Variants in ZC3H12B observed in about 807,000 individuals in gnomAD.
The protein encoded by ZC3H12B is zinc finger CCCH-type containing 12B.
A neutral mutation model predicts 43.9 loss-of-function variants in ZC3H12B; 7 were observed. That is an observed-to-expected ratio of 0.16 (90% CI 0.09 to 0.30). The LOEUF (loss-of-function observed/expected upper bound fraction) is 0.30, where lower values mean the gene tolerates loss of function less well. Ranked by LOEUF, ZC3H12B falls within the 10% of genes least tolerant of loss-of-function variation. ZC3H12B has a pLI of 1.00. For synonymous variants in ZC3H12B, 222 were observed against 241.7 expected (o/e 0.92, Z 0.76); for missense variants, 475 against 670.2 (o/e 0.71, Z 3.22).
chrX:65,259,035 A>AG, the ZC3H12B span, among the ~76,000 whole-genome samples: 1 of 112,055 alleles, frequency 8.9e-6, no homozygotes, highest in Admixed American at 9.5e-5. Flanking sequence ...TCAAACTACT[A>AG]GTGACATTCT....
chrX:65,384,092 C>A lies in ZC3H12B; in HGVS notation n.296-14501C>A, dbSNP rs1217604453. 3.9e-5 allele frequency among the ~76,000 whole-genome samples: 4 copies of A among 102,415 alleles called. No individual in the cohort carries two copies. In the East Asian group the frequency reaches 1.2e-3, roughly 30 times the overall value. The allele number at this position is 102,415 out of a possible 115,157, so 88.9% of individuals were successfully genotyped here. A position where few individuals can be genotyped will look rare whatever the true frequency, so the allele number is the denominator to read the frequency against. On this transcript the variant is annotated intron_variant and non_coding_transcript_variant, in intron 2 of 5. Coordinates refer to the ZC3H12B transcript ENST00000617377. ...CACGTATGTTTATTGCGGCATGATT[C>A]ACAATAGCAAAGACTTGGAACCAAC... is the stretch of plus-strand genomic sequence containing the variant.
the ZC3H12B span, among the ~76,000 whole-genome samples, chrX:65,163,860 C>T: frequency 4.6e-3 from 515 of 112,186 alleles, 4 homozygotes; most frequent in African/African-American, 0.016. Flanking sequence ...GCATCTTCTG[C>T]GTCACTCACG....
In ZC3H12B at chrX:65,444,766, C is replaced by A. The variant is rs764009565; in HGVS notation, n.408-43880C>A. 1.4e-3 allele frequency among the ~76,000 whole-genome samples: 155 copies of A among 112,205 alleles called. 1 individual carries two copies. Among genetic ancestry groups the A allele is most frequent in the African/African-American group, 4.9e-3 (152 of 30,931 alleles). On this transcript the variant is annotated intron_variant and non_coding_transcript_variant, in intron 3 of 5. Coordinates refer to the ZC3H12B transcript ENST00000617377. ...CAGGAAAATGTGGAAAAGTTTGGAA[C>A]TTCCTAGAGACTGAATAAACTTTCT...
At chrX:65,405,751 C>T (rs1489470360) in intron 3 of ZC3H12B, among the ~76,000 whole-genome samples, 1 of 111,445 alleles carries the variant, frequency 9.0e-6, no homozygotes, top group Non-Finnish European at 1.9e-5. Context: ...AAAACTTTAG[C>T]CAAACTTACT....
At chrX:65,364,708 G>T (rs757960772), upstream of ZC3H12B, among the ~76,000 whole-genome samples, 1 of 111,262 alleles carries the variant, frequency 9.0e-6, no homozygotes, top group African/African-American at 3.3e-5. Context: ...CCACTAGCCC[G>T]CCTCTTAGAA....
At chrX:65,163,982 C>T in the ZC3H12B span, among the ~76,000 whole-genome samples, 1 of 112,017 alleles carries the variant, frequency 8.9e-6, no homozygotes, top group East Asian at 2.8e-4. Context: ...TTAAATCTAT[C>T]CTGGCTTCTT....
At chrX:65,243,873 G>C in the ZC3H12B span, among the ~76,000 whole-genome samples, 1 of 111,930 alleles carries the variant, frequency 8.9e-6, no homozygotes, top group Non-Finnish European at 1.9e-5. Flanking sequence ...GCCAGGAACA[G>C]AAAGTCAGAT....
At chrX:65,173,128 G>A in the ZC3H12B span, among the ~76,000 whole-genome samples, 1 of 111,491 alleles carries the variant, frequency 9.0e-6, no homozygotes, top group South Asian at 3.7e-4. Flanking sequence ...CTTTGAAGAC[G>A]TCCTTCCTGT....
chrX:65,465,517 G>T (rs1406013918), intron 3 of ZC3H12B, among the ~76,000 whole-genome samples: 1 of 110,991 alleles, frequency 9.0e-6, no homozygotes, highest in Non-Finnish European at 1.9e-5. Flanking sequence ...GTCTGTTGCA[G>T]ACAGCATTTA....
chrX:65,303,776 G>C, the ZC3H12B span, among the ~76,000 whole-genome samples: 11 of 112,381 alleles, frequency 9.8e-5, 1 homozygote, highest in East Asian at 3.0e-3. Context: ...AATTTTAAAA[G>C]TCAATACTGT....
the ZC3H12B span, among the ~76,000 whole-genome samples, chrX:65,170,862 C>T: frequency 7.4e-3 from 827 of 112,040 alleles, 6 homozygotes; most frequent in African/African-American, 0.024. Flanking sequence ...ACCTAGTTCT[C>T]GTACCATGGT....
chrX:65,500,922 CAATT>C (rs756931149), intron 4 of ZC3H12B, among the ~76,000 whole-genome samples: 169 of 110,895 alleles, frequency 1.5e-3, no homozygotes, highest in Non-Finnish European at 2.6e-3. Context: ...TTTTTGTCCT[CAATT>C]AATCTTTAAG....
At chrX:65,388,070 G>A (rs1278055761) in intron 2 of ZC3H12B, among the ~76,000 whole-genome samples, 2 of 111,501 alleles carry the variant, frequency 1.8e-5, no homozygotes, top group Non-Finnish European at 3.8e-5. Context: ...GGCTGCCCTT[G>A]CCATTTTTTC....
At chrX:65,132,999 G>C in the ZC3H12B span, among the ~76,000 whole-genome samples, 1,105 of 111,302 alleles carry the variant, frequency 9.9e-3, 14 homozygotes, top group African/African-American at 0.034. Context: ...TGGACAGTCC[G>C]ATTTCCAGTG....
the ZC3H12B span, among the ~76,000 whole-genome samples, chrX:65,301,031 A>G: frequency 4.8e-4 from 53 of 111,532 alleles, no homozygotes; most frequent in South Asian, 2.2e-3. Flanking sequence ...GGACATGAAC[A>G]GACAATTCTC....
the ZC3H12B span, among the ~76,000 whole-genome samples, chrX:65,117,542 C>G: frequency 3.6e-5 from 4 of 111,661 alleles, no homozygotes; most frequent in Non-Finnish European, 7.5e-5. Context: ...GTTTGTTTTC[C>G]TGAGCAGAAG....
At chrX:65,252,142 T>C in the ZC3H12B span, among the ~76,000 whole-genome samples, 1 of 112,251 alleles carries the variant, frequency 8.9e-6, no homozygotes, top group Non-Finnish European at 1.9e-5. Flanking sequence ...GTTGTTAGCA[T>C]GAAGGGCTGT....
the ZC3H12B span, among the ~76,000 whole-genome samples, chrX:65,104,957 A>G: frequency 8.9e-5 from 10 of 111,970 alleles, no homozygotes; most frequent in Non-Finnish European, 1.5e-4. Flanking sequence ...ATGCACACGT[A>G]TATTTATTGT....
chrX:65,294,926 C>A, the ZC3H12B span, among the ~76,000 whole-genome samples: 97 of 109,983 alleles, frequency 8.8e-4, no homozygotes, highest in Non-Finnish European at 9.1e-4. Flanking sequence ...ACTCAACTGA[C>A]AGCACTAGAC....
Sources: allele counts gnomAD v4.1 joint callset (sites outside exome capture counted in the v4.1 genomes callset), GRCh38; gene constraint gnomAD v4.1.1; transcripts MANE v1.5; gene names NCBI Gene and HGNC (gene_info 2026-07-23, HGNC 2026-07-21).